The following WWOX variants were observed in gnomAD, a reference collection of about 807,000 sequenced individuals.
WWOX encodes the protein WW domain containing oxidoreductase.
A neutral mutation model predicts 46.2 loss-of-function variants in WWOX; 69 were observed. That is an observed-to-expected ratio of 1.49 (90% CI 1.23 to 1.82). The LOEUF (loss-of-function observed/expected upper bound fraction) is 1.82, where lower values mean the gene tolerates loss of function less well. WWOX is among the 40% of genes most tolerant of loss of function. WWOX has a pLI of 0.00. For missense variants in WWOX, 919 were observed against 542.6 expected, an observed-to-expected ratio of 1.69 and a Z score of -6.89; for synonymous variants, 359 against 202.6, an observed-to-expected ratio of 1.77 and a Z score of -6.56.
At chr16:78,963,898 TC>T in intron 8 of WWOX, among the ~76,000 whole-genome samples, 1 of 152,274 alleles carries the variant, frequency 6.6e-6, no homozygotes, top group Middle Eastern at 3.4e-3. Flanking sequence ...GGCTGGTGTT[TC>T]CCATGTTATT....
intron 8 of WWOX, among the ~76,000 whole-genome samples, chr16:78,632,679 C>G (rs2046463238): frequency 6.6e-6 from 1 of 151,074 alleles, no homozygotes; most frequent in African/African-American, 2.4e-5. Context: ...CTGCCTCAGC[C>G]TCTCGAATAG....
At chr16:78,953,561 G>A (rs2046105527) in intron 8 of WWOX, among the ~76,000 whole-genome samples, 1 of 152,070 alleles carries the variant, frequency 6.6e-6, no homozygotes, top group Non-Finnish European at 1.5e-5. Context: ...TTGCCCCAGG[G>A]GACTCATTGA....
chr16:78,418,724 G>A (rs2082856745), intron 6 of WWOX, among the ~76,000 whole-genome samples: 1 of 152,040 alleles, frequency 6.6e-6, no homozygotes, highest in Admixed American at 6.6e-5. Context: ...ATAAAAACAT[G>A]TTTTAAAAAG....
At chr16:78,151,052 T>C (rs2034387626) in intron 4 of WWOX, among the ~76,000 whole-genome samples, 1 of 151,116 alleles carries the variant, frequency 6.6e-6, no homozygotes, top group African/African-American at 2.4e-5. Flanking sequence ...AATTTTTTTT[T>C]TTTTTTTAGA....
intron 8 of WWOX, among the ~76,000 whole-genome samples, chr16:78,450,191 G>A (rs1158346656): frequency 6.6e-6 from 1 of 152,068 alleles, no homozygotes; most frequent in African/African-American, 2.4e-5. Context: ...GAAATATCAA[G>A]CTCTTTTTAT....
intron 8 of WWOX, among the ~76,000 whole-genome samples, chr16:78,574,134 A>G (rs746430705): frequency 5.3e-5 from 8 of 152,312 alleles, no homozygotes; most frequent in East Asian, 1.9e-4. Flanking sequence ...AGAGGCATCA[A>G]CAGTTCCTGA....
intron 8 of WWOX, among the ~76,000 whole-genome samples, chr16:79,087,401 C>T (rs544704605): frequency 2.0e-5 from 3 of 152,344 alleles, no homozygotes; most frequent in African/African-American, 7.2e-5. Flanking sequence ...TCCGTAGACA[C>T]CACTGTGTTT....
At position 78,432,736 on chromosome 16, in the gene WWOX, C is replaced by A; in HGVS notation, c.1040C>A (p.Pro347His). The A allele has an allele frequency of 6.2e-7, 1 of 1,614,190 alleles. No homozygotes were observed. The highest frequency in any genetic ancestry group is 8.5e-7 in the Non-Finnish European group (1 of 1,180,046). ...VYTLLFTLAR[P>H]FTKSMQQGAA... ...ACACTGCTGTTTACCTTGGCGAGGC[C>A]TTTCACCAAGTCCATGGTAAGAGAA... The change falls in exon 8 of 9, where the codon CCT becomes CAT. Residue 347 changes from proline to histidine, a missense_variant. Coordinates refer to ENST00000566780, the MANE Select transcript of WWOX (RefSeq NM_016373.4).
chr16:78,238,149 T>C (rs909176687), intron 5 of WWOX: 15 of 152,316 alleles, frequency 9.8e-5, no homozygotes, highest in African/African-American at 3.1e-4. Flanking sequence ...GAAATATCCA[T>C]GTACAGTCCC....
At chr16:78,946,720 G>A (rs925922846) in intron 8 of WWOX, among the ~76,000 whole-genome samples, 7 of 152,110 alleles carry the variant, frequency 4.6e-5, no homozygotes, top group South Asian at 2.1e-4. Flanking sequence ...TTTTCAGAGC[G>A]TTGAGAGTCA....
intron 8 of WWOX, among the ~76,000 whole-genome samples, chr16:79,019,671 C>T (rs1007330856): frequency 2.6e-5 from 4 of 151,804 alleles, no homozygotes; most frequent in Non-Finnish European, 4.4e-5. Flanking sequence ...AGGGAGACTC[C>T]AACCCCGGGC....
At chr16:79,055,828 C>T (rs985078860) in intron 8 of WWOX, among the ~76,000 whole-genome samples, 1 of 152,174 alleles carries the variant, frequency 6.6e-6, no homozygotes, top group African/African-American at 2.4e-5. Flanking sequence ...GTGAGTCAGA[C>T]TTCTTAGGCT....
At chr16:78,834,538 A>G (rs1006634985) in intron 8 of WWOX, among the ~76,000 whole-genome samples, 3 of 152,168 alleles carry the variant, frequency 2.0e-5, no homozygotes, top group African/African-American at 7.2e-5. Context: ...ACAAGGTCTG[A>G]AGGCTGGCAG....
intron 8 of WWOX, among the ~76,000 whole-genome samples, chr16:79,147,657 A>G (rs1402856565): frequency 6.6e-6 from 1 of 152,224 alleles, no homozygotes; most frequent in Non-Finnish European, 1.5e-5. Context: ...ATTAGTTTGT[A>G]TAAGAAACTG....
intron 8 of WWOX, among the ~76,000 whole-genome samples, chr16:78,920,942 A>G (rs772395455): frequency 5.9e-5 from 9 of 152,186 alleles, no homozygotes; most frequent in Non-Finnish European, 7.3e-5. Context: ...TCCACACATA[A>G]TATGTGGTAC....
intron 8 of WWOX, among the ~76,000 whole-genome samples, chr16:78,625,582 T>A (rs756380019): frequency 6.6e-6 from 1 of 152,064 alleles, no homozygotes; most frequent in African/African-American, 2.4e-5. Flanking sequence ...TTATGTTATT[T>A]GGTACATTTA....
intron 8 of WWOX, among the ~76,000 whole-genome samples, chr16:79,099,298 C>G (rs1171322909): frequency 6.6e-6 from 1 of 152,148 alleles, no homozygotes; most frequent in Non-Finnish European, 1.5e-5. Context: ...GACAGGCAAA[C>G]CAGATCCAAA....
intron 8 of WWOX, among the ~76,000 whole-genome samples, chr16:78,589,631 C>T (rs747507985): frequency 8.5e-5 from 13 of 152,224 alleles, no homozygotes; most frequent in South Asian, 4.1e-4. Context: ...AAGTAGTTTC[C>T]GGTAAAGGCA....
chr16:79,169,828 A>C (rs74996559), intron 8 of WWOX, among the ~76,000 whole-genome samples: 5,647 of 152,226 alleles, frequency 0.037, 353 homozygotes, highest in African/African-American at 0.13. Context: ...AAATAGTGGG[A>C]AAAGTCTGGT....
Sources: gnomAD v4.1 joint callset for allele counts (sites outside exome capture counted in the v4.1 genomes callset) on GRCh38, gnomAD v4.1.1 for gene constraint, MANE v1.5 for transcripts, NCBI Gene and HGNC (gene_info 2026-07-23, HGNC 2026-07-21) for gene names.